ARL15: variants seen among roughly 807,000 people sequenced by gnomAD.
ARL15 encodes ARF like GTPase 15, also known as ADP-ribosylation factor-like protein 15.
In ARL15, 19 loss-of-function variants were observed where a neutral mutation model predicts 25.2. The ratio of observed to expected loss-of-function variants is 0.75; its 90% CI spans 0.53 to 1.10. The LOEUF is 1.10. Among genes scored for constraint, ARL15 ranks in the 50% least tolerant of loss-of-function variants. The pLI, the probability that ARL15 is intolerant of heterozygous loss-of-function variation, is 0.00. For synonymous variants in ARL15, 94 were observed against 86.8 expected, an observed-to-expected ratio of 1.08 and a Z score of -0.46; for missense variants, 220 against 246.0, an observed-to-expected ratio of 0.89 and a Z score of 0.71.
intron 3 of ARL15, among the ~76,000 whole-genome samples, chr5:54,135,061 G>C (rs1434565852): frequency 1.3e-5 from 2 of 151,548 alleles, no homozygotes; most frequent in Non-Finnish European, 2.9e-5. Context: ...GATGATAAAA[G>C]AAAAAAAGCC....
chr5:54,256,474 C>T (rs929241162), intron 1 of ARL15, among the ~76,000 whole-genome samples: 9 of 148,446 alleles, frequency 6.1e-5, no homozygotes, highest in African/African-American at 2.2e-4. Flanking sequence ...GATTCACAGC[C>T]GAATTCTACC....
At chr5:54,294,831 T>A (rs925879214) in intron 1 of ARL15, among the ~76,000 whole-genome samples, 3 of 152,262 alleles carry the variant, frequency 2.0e-5, no homozygotes, top group Admixed American at 6.5e-5. Context: ...TGCAGTTATA[T>A]AAAGCAATTG....
rs57554255 is a variant in ARL15 at position 54,211,467 on chromosome 5, CT to C, written c.49-39540del. Among the ~76,000 whole-genome samples, 873 of 119,594 alleles carry C rather than the reference CT, an allele frequency of 7.3e-3. 2 individuals carry two copies. The highest frequency in any genetic ancestry group is 0.018 in the African/African-American group (555 of 31,264). The allele number at this position is 119,594 out of a possible 152,430, so 78.5% of individuals were successfully genotyped here. On this transcript the variant is annotated intron_variant, in intron 1 of 4. Coordinates refer to ENST00000504924, the MANE Select transcript of ARL15 (RefSeq NM_019087.3). ...TTTTAGGCAGCGCTTAAATGAAACA[CT>C]TTTTTTTTTTTTTTTTTTTGAGACA...
At chr5:54,178,702 T>C (rs1290381392) in intron 1 of ARL15, among the ~76,000 whole-genome samples, 4 of 152,336 alleles carry the variant, frequency 2.6e-5, no homozygotes, top group Middle Eastern at 3.4e-3. Flanking sequence ...AGTCAATTTC[T>C]AGAAGTGTTT....
chr5:54,064,741 AAAC>A (rs1751166433), intron 4 of ARL15, among the ~76,000 whole-genome samples: 1 of 152,180 alleles, frequency 6.6e-6, no homozygotes, highest in African/African-American at 2.4e-5. Flanking sequence ...AAAAAAAAAA[AAAC>A]ATTTACTTAG....
intron 3 of ARL15, among the ~76,000 whole-genome samples, chr5:54,148,059 T>C (rs1753961493): frequency 6.6e-6 from 1 of 152,240 alleles, no homozygotes; most frequent in African/African-American, 2.4e-5. Context: ...TCTTCTTTCC[T>C]CTAAAGTAAG....
intron 4 of ARL15, among the ~76,000 whole-genome samples, chr5:53,902,222 C>T (rs763583799): frequency 4.6e-5 from 7 of 152,286 alleles, no homozygotes; most frequent in South Asian, 4.1e-4. Context: ...CACAAATACA[C>T]GTCAAACGAT....
intron 1 of ARL15, among the ~76,000 whole-genome samples, chr5:54,186,246 C>T (rs773686848): frequency 2.0e-5 from 3 of 152,140 alleles, no homozygotes; most frequent in African/African-American, 4.8e-5. Context: ...TGGTCTAGCG[C>T]GGAGAAGCCA....
At chr5:54,101,020 T>C (rs1205515690) in intron 4 of ARL15, among the ~76,000 whole-genome samples, 1 of 152,074 alleles carries the variant, frequency 6.6e-6, no homozygotes, top group African/African-American at 2.4e-5. Context: ...ATGAAAATGA[T>C]AGAAATACAT....
intron 1 of ARL15, among the ~76,000 whole-genome samples, chr5:54,290,186 A>G (rs1199121870): frequency 1.3e-5 from 2 of 152,202 alleles, no homozygotes; most frequent in Non-Finnish European, 2.9e-5. Flanking sequence ...GCAAAACAAT[A>G]AACAACATCC....
intron 1 of ARL15, among the ~76,000 whole-genome samples, chr5:54,283,199 G>A (rs1758101487): frequency 6.6e-6 from 1 of 152,212 alleles, no homozygotes; most frequent in Non-Finnish European, 1.5e-5. Context: ...TTCCAGAGAT[G>A]CAGTCCTTGA....
intron 4 of ARL15, among the ~76,000 whole-genome samples, chr5:53,958,285 C>T (rs1747237594): frequency 6.6e-6 from 1 of 151,506 alleles, no homozygotes; most frequent in Non-Finnish European, 1.5e-5. Context: ...ATGAGAACAA[C>T]ATAAAGAGGA....
intron 1 of ARL15, among the ~76,000 whole-genome samples, chr5:54,254,238 T>C (rs1416927369): frequency 6.6e-6 from 1 of 152,192 alleles, no homozygotes; most frequent in Admixed American, 6.5e-5. Context: ...CACGGAGGAA[T>C]AGTTAAGAAG....
chr5:53,987,299 A>C (rs1327523346), intron 4 of ARL15, among the ~76,000 whole-genome samples: 1 of 151,956 alleles, frequency 6.6e-6, no homozygotes, highest in Non-Finnish European at 1.5e-5. Context: ...ACAAACTTTT[A>C]ATTAAGTCCA....
At position 53,886,446 on chromosome 5, in the gene ARL15, C is replaced by T. The variant is rs967409416; in HGVS notation, c.*115G>A. 9 of 1,145,962 alleles carry T rather than the reference C, an allele frequency of 7.9e-6. No homozygotes were observed. The highest frequency in any genetic ancestry group is 5.2e-5 in the East Asian group (2 of 38,640). The allele number at this position is 1,145,962 out of a possible 1,614,324, so 71.0% of individuals were successfully genotyped here. On this transcript the variant is annotated 3_prime_UTR_variant, in exon 5 of 5. Coordinates refer to ENST00000504924, the MANE Select transcript of ARL15 (RefSeq NM_019087.3). ...ATAGAGAGATGAGAGTCTGAAATGA[C>T]CAGAGGAAAATAGATACTGAAGCCA...
intron 1 of ARL15, among the ~76,000 whole-genome samples, chr5:54,174,290 T>G (rs1344769432): frequency 6.6e-6 from 1 of 152,176 alleles, no homozygotes; most frequent in African/African-American, 2.4e-5. Flanking sequence ...CCCTCCACGC[T>G]TCAAGAAAAT....
At chr5:53,948,235 G>A (rs1207968641) in intron 4 of ARL15, among the ~76,000 whole-genome samples, 2 of 152,184 alleles carry the variant, frequency 1.3e-5, no homozygotes, top group African/African-American at 4.8e-5. Context: ...AAATGTAAGT[G>A]TCCAAAATAA....
Position 54,242,158 on chromosome 5 carries a change from C to T in ARL15, c.48+68274G>A, listed in dbSNP as rs1441493691. Among the ~76,000 whole-genome samples the T allele has an allele frequency of 2.0e-5, 3 of 151,948 alleles. No individual in the cohort carries two copies. In the East Asian group the frequency reaches 5.8e-4, roughly 29 times the overall value. ...TCCTGCATCACTTTTAACCTGTACA[C>T]GTACACACACGCACACACACACACA... On this transcript the variant is annotated intron_variant, in intron 1 of 4. Transcript: ENST00000504924.
intron 1 of ARL15, chr5:54,282,539 C>T: frequency 1.0e-6 from 1 of 985,326 alleles, no homozygotes; most frequent in Non-Finnish European, 1.2e-6. Context: ...TATCTTGGGA[C>T]TGTAAGGCAG....
Sources: gnomAD v4.1 joint callset for allele counts (sites outside exome capture counted in the v4.1 genomes callset) on GRCh38, gnomAD v4.1.1 for gene constraint, MANE v1.5 for transcripts, NCBI Gene and HGNC (gene_info 2026-07-23, HGNC 2026-07-21) for gene names.